The following HLCS variants were observed in gnomAD, a reference collection of about 807,000 sequenced individuals.
The protein encoded by HLCS is holocarboxylase synthetase.
A neutral mutation model predicts 75.0 loss-of-function variants in HLCS; 53 were observed. That is an observed-to-expected ratio of 0.71 (90% CI 0.57 to 0.89). The LOEUF (loss-of-function observed/expected upper bound fraction) is 0.89, where lower values mean the gene tolerates loss of function less well. HLCS is among the 40% of genes least tolerant of loss of function. The probability of loss-of-function intolerance (pLI) is 0.00; values close to 1 mark genes in which losing one functional copy is unlikely to be tolerated. For synonymous variants in HLCS, 431 were observed against 428.6 expected (o/e 1.01, Z -0.07); for missense variants, 966 against 1,074.0 (o/e 0.90, Z 1.41).
At chr21:36,884,697 C>T (rs1029609001) in intron 6 of HLCS, among the ~76,000 whole-genome samples, 3 of 152,184 alleles carry the variant, frequency 2.0e-5, no homozygotes, top group Non-Finnish European at 4.4e-5. Flanking sequence ...GCCTTATTAC[C>T]TTTTGTGGTC....
chr21:36,778,986 A>G (rs938118661), intron 6 of HLCS, among the ~76,000 whole-genome samples: 2 of 151,804 alleles, frequency 1.3e-5, no homozygotes, highest in African/African-American at 4.9e-5. Context: ...CTTTTGGTGA[A>G]AAACGGTCTT....
Position 36,903,182 on chromosome 21 carries a change from G to A in HLCS, c.1621-6051C>T, listed in dbSNP as rs1481693538. On this transcript the variant is annotated intron_variant, in intron 5 of 10. Transcript: ENST00000674895. ...GGGTCCTATCACAGTACTAATTTTC[G>A]GTTTTCGGACTACAGAATACCAAGA... Among the ~76,000 whole-genome samples the A allele has an allele frequency of 2.6e-5, 4 of 151,940 alleles. No homozygotes were observed. In the East Asian group the frequency reaches 5.8e-4, roughly 22 times the overall value.
intron 6 of HLCS, among the ~76,000 whole-genome samples, chr21:36,870,157 G>A (rs1239948691): frequency 1.3e-5 from 2 of 152,000 alleles, no homozygotes; most frequent in African/African-American, 4.8e-5. Flanking sequence ...TTTGTGTCTC[G>A]CCCCAGTACT....
chr21:36,984,182 G>A (rs1018247378), intron 1 of HLCS, among the ~76,000 whole-genome samples: 3 of 151,278 alleles, frequency 2.0e-5, no homozygotes, highest in Admixed American at 1.3e-4. Flanking sequence ...TGTTCAATAA[G>A]GAACATATTA....
At chr21:36,990,170 A>C (rs117476389) in exon 1 of HLCS, 2 of 152,332 alleles carry the variant, frequency 1.3e-5, no homozygotes, top group East Asian at 3.9e-4. Context: ...CTGAGGCCGA[A>C]ACGCGGCCGC....
chr21:36,835,291 G>A (rs1329174533), intron 6 of HLCS, among the ~76,000 whole-genome samples: 1 of 152,140 alleles, frequency 6.6e-6, no homozygotes, highest in East Asian at 1.9e-4. Context: ...TTTTCAGTAC[G>A]AATATGCCTA....
At position 36,842,771 on chromosome 21, in the gene HLCS, A is replaced by G. The variant is rs1271712760; in HGVS notation, c.1892+54089T>C. Among the ~76,000 whole-genome samples, 2 of 152,114 alleles carry G rather than the reference A, an allele frequency of 1.3e-5. No homozygotes were observed. Among genetic ancestry groups the G allele is most frequent in the Non-Finnish European group, 2.9e-5 (2 of 68,024 alleles). On this transcript the variant is annotated intron_variant, in intron 6 of 10. Coordinates refer to ENST00000674895, the MANE Select transcript of HLCS (RefSeq NM_001352514.2). The surrounding 1 kb of genome is among the most constrained non-coding windows in gnomAD (Gnocchi z 4.2). The stretch of plus-strand genomic sequence containing the variant: ...AAAACAAACAACAACCAAAAAAACT[A>G]TCTTTATTATTGATAAAACAATTCA...
At chr21:36,983,136 G>A (rs1182080072) in intron 1 of HLCS, among the ~76,000 whole-genome samples, 1 of 152,136 alleles carries the variant, frequency 6.6e-6, no homozygotes, top group African/African-American at 2.4e-5. Context: ...ATAAGCAGCT[G>A]CCTTCAGAAT....
Position 36,767,200 on chromosome 21 carries a change from T to C in HLCS, c.1960+18A>G. 1.2e-6 allele frequency: 2 copies of C among 1,612,920 alleles called. No homozygotes were observed. Among genetic ancestry groups the C allele is most frequent in the Non-Finnish European group, 1.7e-6 (2 of 1,178,944 alleles). ...TAGAAAACAGAAGTAACAGCAATGA[T>C]CACAAAAGATGACTGACCTTTGCCC... On this transcript the variant is annotated intron_variant, in intron 7 of 10. Transcript: ENST00000674895.
intron 5 of HLCS, among the ~76,000 whole-genome samples, chr21:36,918,042 A>C (rs971617281): frequency 2.0e-4 from 31 of 152,208 alleles, no homozygotes; most frequent in Non-Finnish European, 4.4e-5. Flanking sequence ...AAGGCAGATA[A>C]TACATACTCA....
chr21:36,888,408 A>T (rs186326936), intron 6 of HLCS, among the ~76,000 whole-genome samples: 86 of 135,260 alleles, frequency 6.4e-4, no homozygotes, highest in African/African-American at 2.3e-3. Context: ...ATTCTCCCCA[A>T]TGCGATCCTG....
At position 36,876,729 on chromosome 21, in the gene HLCS, G is replaced by T. The variant is rs150401179; in HGVS notation, c.1892+20131C>A. Among the ~76,000 whole-genome samples the T allele has an allele frequency of 4.2e-3, 642 of 152,298 alleles. 3 individuals are homozygous for T. The highest frequency in any genetic ancestry group is 0.014 in the African/African-American group (588 of 41,558). ...CTTGAAACAAGGTGAGTTTGGCAAG[G>T]TATAGTGTTCTGGAAGTATTAGGTA... is the stretch of plus-strand genomic sequence containing the variant. On this transcript the variant is annotated intron_variant, in intron 6 of 10. Transcript: ENST00000674895.
At chr21:36,793,295 C>CTTTTTTTTTTTTTTTTTTTTTTTTTT (rs761549990) in intron 6 of HLCS, among the ~76,000 whole-genome samples, 7 of 116,252 alleles carry the variant, frequency 6.0e-5, no homozygotes, top group African/African-American at 2.2e-4. Flanking sequence ...AGGAAGCAGT[C>CTTTTTTTTTTTTTTTTTTTTTTTTTT]TTTTTTTTTT....
intron 5 of HLCS, among the ~76,000 whole-genome samples, chr21:36,929,014 A>G (rs2066521157): frequency 6.6e-6 from 1 of 152,252 alleles, no homozygotes; most frequent in South Asian, 2.1e-4. Context: ...CTTGAATATA[A>G]GCAGACACAT....
intron 6 of HLCS, among the ~76,000 whole-genome samples, chr21:36,874,453 A>G (rs2146245501): frequency 6.6e-6 from 1 of 152,256 alleles, no homozygotes; most frequent in African/African-American, 2.4e-5. Flanking sequence ...TAAAAAGCCA[A>G]TAAGGTGCAG....
At chr21:36,889,571 G>A (rs1231979595) in intron 6 of HLCS, among the ~76,000 whole-genome samples, 1 of 152,168 alleles carries the variant, frequency 6.6e-6, no homozygotes, top group Non-Finnish European at 1.5e-5. Context: ...CTGAACTCTG[G>A]GAGGGGCTTT....
chr21:36,894,624 C>T (rs544011206), intron 6 of HLCS, among the ~76,000 whole-genome samples: 13 of 152,262 alleles, frequency 8.5e-5, no homozygotes, highest in African/African-American at 2.6e-4. Context: ...AACCATTCAT[C>T]CAGTATCAGC....
At chr21:36,927,792 A>G (rs182828683) in intron 5 of HLCS, among the ~76,000 whole-genome samples, 3 of 152,366 alleles carry the variant, frequency 2.0e-5, no homozygotes, top group Non-Finnish European at 2.9e-5. Flanking sequence ...GAGGCAGCCT[A>G]GCTCAGCAGC....
chr21:36,972,389 GTCC>G (rs1337529750), intron 1 of HLCS: 1 of 152,134 alleles, frequency 6.6e-6, no homozygotes, highest in Non-Finnish European at 1.5e-5. Flanking sequence ...ACCTCAAGCT[GTCC>G]TCCTGCCTCA....
Sources: allele counts gnomAD v4.1 joint callset (sites outside exome capture counted in the v4.1 genomes callset), GRCh38; gene constraint gnomAD v4.1.1; non-coding constraint Gnocchi (gnomAD v3.1); transcripts MANE v1.5; gene names NCBI Gene and HGNC (gene_info 2026-07-23, HGNC 2026-07-21).